Variants in SGCZ observed in about 807,000 individuals in gnomAD.
SGCZ encodes sarcoglycan zeta.
In SGCZ, 40 loss-of-function variants were observed where a neutral mutation model predicts 41.3. The ratio of observed to expected loss-of-function variants is 0.97; its 90% CI spans 0.75 to 1.26. The LOEUF is 1.26. Ranked by LOEUF, SGCZ falls within the 50% of genes most tolerant of loss-of-function variation. SGCZ has a pLI of 0.00. For missense variants in SGCZ, 552 were observed against 369.8 expected, an observed-to-expected ratio of 1.49 and a Z score of -4.04; for synonymous variants, 206 against 137.5, an observed-to-expected ratio of 1.50 and a Z score of -3.49.
chr8:15,083,150 G>A (rs773573410), intron 1 of SGCZ, among the ~76,000 whole-genome samples: 1 of 152,010 alleles, frequency 6.6e-6, no homozygotes, highest in Non-Finnish European at 1.5e-5. Context: ...AGATGCCCAA[G>A]GAAATTGGAA....
At chr8:14,649,137 G>C (rs1477310210) in intron 1 of SGCZ, among the ~76,000 whole-genome samples, 1 of 152,116 alleles carries the variant, frequency 6.6e-6, no homozygotes, top group Non-Finnish European at 1.5e-5. Context: ...TATTTCCAAA[G>C]AGGATATTAG....
chr8:15,197,243 A>G (rs1476099588), intron 1 of SGCZ, among the ~76,000 whole-genome samples: 5 of 152,210 alleles, frequency 3.3e-5, no homozygotes, highest in Non-Finnish European at 1.5e-5. Context: ...CTGTCTGAGC[A>G]CATAGTGAAA....
At chr8:14,991,002 CAT>C (rs1303205668) in intron 1 of SGCZ, among the ~76,000 whole-genome samples, 1 of 152,160 alleles carries the variant, frequency 6.6e-6, no homozygotes. Context: ...ATTGCTTACA[CAT>C]GATTGTTTAT....
At chr8:14,124,644 A>G (rs111230342) in intron 5 of SGCZ, among the ~76,000 whole-genome samples, 1 of 152,186 alleles carries the variant, frequency 6.6e-6, no homozygotes, top group African/African-American at 2.4e-5. Flanking sequence ...TAAGTTTCCA[A>G]TTTACATAGC....
chr8:14,439,922 G>C (rs1199518238), intron 2 of SGCZ, among the ~76,000 whole-genome samples: 2 of 151,742 alleles, frequency 1.3e-5, no homozygotes, highest in African/African-American at 4.8e-5. Flanking sequence ...ATTGGTAACT[G>C]ACTTAAACTG....
intron 1 of SGCZ, among the ~76,000 whole-genome samples, chr8:14,608,884 T>A (rs1805840379): frequency 6.6e-6 from 1 of 152,124 alleles, no homozygotes; most frequent in Non-Finnish European, 1.5e-5. Flanking sequence ...TTTTCTAAGA[T>A]CATTAATATT....
At chr8:14,846,061 T>C (rs1643320933) in intron 1 of SGCZ, among the ~76,000 whole-genome samples, 2 of 151,878 alleles carry the variant, frequency 1.3e-5, no homozygotes, top group Non-Finnish European at 1.5e-5. Flanking sequence ...AAAGAAGAAA[T>C]AGACAAATAT....
chr8:15,119,160 C>T (rs1370926855), intron 1 of SGCZ, among the ~76,000 whole-genome samples: 3 of 152,184 alleles, frequency 2.0e-5, no homozygotes, highest in African/African-American at 7.2e-5. Flanking sequence ...AAATATAACA[C>T]AATTGACAGA....
At chr8:14,758,524 G>C (rs1477430169) in intron 1 of SGCZ, among the ~76,000 whole-genome samples, 2 of 151,888 alleles carry the variant, frequency 1.3e-5, no homozygotes, top group Non-Finnish European at 2.9e-5. Flanking sequence ...TCATTCCTGA[G>C]AAATCTGGGA....
chr8:14,393,321 G>T (rs1278914647), intron 2 of SGCZ, among the ~76,000 whole-genome samples: 2 of 151,440 alleles, frequency 1.3e-5, no homozygotes, highest in African/African-American at 2.5e-5. Flanking sequence ...AGACAAGCAG[G>T]CTGGGAGCTT....
chr8:14,184,489 G>C (rs182961584), intron 4 of SGCZ, among the ~76,000 whole-genome samples: 2,071 of 152,144 alleles, frequency 0.014, 39 homozygotes, highest in African/African-American at 0.044. Flanking sequence ...TAAATGTATT[G>C]AAATGAATAA....
intron 1 of SGCZ, among the ~76,000 whole-genome samples, chr8:14,715,339 A>G (rs1809653551): frequency 6.6e-6 from 1 of 152,174 alleles, no homozygotes; most frequent in Admixed American, 6.5e-5. Context: ...TAATGCACAG[A>G]TAAGCTGATG....
chr8:14,233,087 T>C (rs1289525532), intron 4 of SGCZ, among the ~76,000 whole-genome samples: 2 of 151,914 alleles, frequency 1.3e-5, no homozygotes, highest in African/African-American at 2.4e-5. Context: ...AACGAACAAA[T>C]AAACAAACAA....
chr8:14,491,081 C>T (rs1332856631), intron 2 of SGCZ, among the ~76,000 whole-genome samples: 2 of 152,112 alleles, frequency 1.3e-5, no homozygotes, highest in Admixed American at 6.5e-5. Flanking sequence ...ATACTTCTTT[C>T]CAGCCCAGTA....
chr8:14,913,405 C>T (rs1437003837), intron 1 of SGCZ, among the ~76,000 whole-genome samples: 1 of 152,004 alleles, frequency 6.6e-6, no homozygotes, highest in Non-Finnish European at 1.5e-5. Flanking sequence ...GAGAAAACTG[C>T]ATTCTTAAAG....
intron 1 of SGCZ, among the ~76,000 whole-genome samples, chr8:15,186,569 T>C (rs1800352158): frequency 1.3e-5 from 2 of 152,182 alleles, no homozygotes; most frequent in Admixed American, 6.5e-5. Context: ...TTTGAAATAA[T>C]ATCTATTTGT....
chr8:14,669,693 TACACAC>T (rs35602830), intron 1 of SGCZ, among the ~76,000 whole-genome samples: 14,406 of 147,502 alleles, frequency 0.098, 1,685 homozygotes, highest in African/African-American at 0.28. Context: ...ATTTTGTGTA[TACACAC>T]ACACACACAC....
At chr8:15,118,608 GGT>G (rs1807360147) in intron 1 of SGCZ, among the ~76,000 whole-genome samples, 1 of 152,038 alleles carries the variant, frequency 6.6e-6, no homozygotes, top group Non-Finnish European at 1.5e-5. Context: ...TAGTTCAAAG[GGT>G]CTCTTTTCAA....
intron 1 of SGCZ, among the ~76,000 whole-genome samples, chr8:14,623,395 G>C (rs1806348314): frequency 6.6e-6 from 1 of 152,176 alleles, no homozygotes; most frequent in African/African-American, 2.4e-5. Flanking sequence ...AAAGCATCCA[G>C]AGAAGCAGGC....
Sources: gnomAD v4.1 joint callset for allele counts (sites outside exome capture counted in the v4.1 genomes callset) on GRCh38, gnomAD v4.1.1 for gene constraint, MANE v1.5 for transcripts, NCBI Gene and HGNC (gene_info 2026-07-23, HGNC 2026-07-21) for gene names.